C8orf34: variants seen among roughly 807,000 people sequenced by gnomAD.
C8orf34 encodes chromosome 8 open reading frame 34, also known as uncharacterized protein C8orf34.
C8orf34 carries 65 observed loss-of-function variants against 68.3 expected under a neutral mutation model. That is an observed-to-expected ratio of 0.95 (90% confidence interval 0.78 to 1.17). The LOEUF (loss-of-function observed/expected upper bound fraction) is 1.17. Among genes scored for constraint, C8orf34 ranks in the 50% most tolerant of loss-of-function variants. C8orf34 has a pLI of 0.00. For missense variants in C8orf34, 664 were observed against 655.4 expected, an observed-to-expected ratio of 1.01 and a Z score of -0.14; for synonymous variants, 244 against 241.2, an observed-to-expected ratio of 1.01 and a Z score of -0.11.
intron 1 of C8orf34, among the ~76,000 whole-genome samples, chr8:68,333,993 A>G (rs1281326506): frequency 1.3e-5 from 2 of 152,228 alleles, no homozygotes; most frequent in Non-Finnish European, 2.9e-5. Context: ...AAGATAATCT[A>G]TGAATGTTTT....
chr8:68,637,897 A>G (rs2130724645), intron 7 of C8orf34, among the ~76,000 whole-genome samples: 1 of 152,292 alleles, frequency 6.6e-6, no homozygotes, highest in South Asian at 2.1e-4. Context: ...CCAGCAATCA[A>G]TGAGCTTGAA....
intron 8 of C8orf34, among the ~76,000 whole-genome samples, chr8:68,657,972 A>G (rs1227992902): frequency 1.3e-5 from 2 of 152,178 alleles, no homozygotes; most frequent in East Asian, 1.9e-4. Context: ...TTATGGTCTC[A>G]AATATTTACC....
intron 1 of C8orf34, among the ~76,000 whole-genome samples, chr8:68,348,407 G>A (rs965064364): frequency 1.3e-5 from 2 of 151,982 alleles, no homozygotes; most frequent in Non-Finnish European, 2.9e-5. Context: ...GATGTCTCCA[G>A]CTTTGTTCTT....
chr8:68,371,458 ATTATT>A (rs1401418802), intron 1 of C8orf34, among the ~76,000 whole-genome samples: 9 of 152,276 alleles, frequency 5.9e-5, no homozygotes, highest in African/African-American at 2.2e-4. Flanking sequence ...GAAACAAAAG[ATTATT>A]TTATTTATGA....
chr8:68,539,051 G>T (rs949777917), intron 7 of C8orf34, among the ~76,000 whole-genome samples: 2 of 152,010 alleles, frequency 1.3e-5, no homozygotes, highest in Admixed American at 6.6e-5. Flanking sequence ...AAAATTTCTT[G>T]AATTATATTT....
intron 3 of C8orf34, among the ~76,000 whole-genome samples, chr8:68,453,681 G>C (rs981577866): frequency 6.6e-6 from 1 of 151,828 alleles, no homozygotes; most frequent in Admixed American, 6.6e-5. Flanking sequence ...GAATTCTTTA[G>C]GACTCTCAAA....
chr8:68,765,979 G>T (rs748222997), intron 10 of C8orf34, among the ~76,000 whole-genome samples: 6 of 151,880 alleles, frequency 4.0e-5, no homozygotes, highest in East Asian at 1.9e-4. Flanking sequence ...TAATGCAAAG[G>T]TTTCTGAAAT....
chr8:68,611,389 T>C (rs1156815663), intron 7 of C8orf34, among the ~76,000 whole-genome samples: 2 of 152,136 alleles, frequency 1.3e-5, no homozygotes, highest in East Asian at 3.9e-4. Flanking sequence ...ATCAGAGAAA[T>C]CCTTAGGCTT....
At chr8:68,799,429 T>C (rs1824268157) in intron 12 of C8orf34, among the ~76,000 whole-genome samples, 1 of 152,220 alleles carries the variant, frequency 6.6e-6, no homozygotes. Flanking sequence ...GTTTTGTATA[T>C]TTTTTGTCAC....
At chr8:68,642,819 G>A (rs1036507951) in intron 8 of C8orf34, among the ~76,000 whole-genome samples, 4 of 152,144 alleles carry the variant, frequency 2.6e-5, no homozygotes, top group Non-Finnish European at 5.9e-5. Flanking sequence ...ATTTTTCCAT[G>A]GATGGTTGAT....
At chr8:68,739,910 A>G (rs982306749) in intron 10 of C8orf34, among the ~76,000 whole-genome samples, 2 of 152,200 alleles carry the variant, frequency 1.3e-5, no homozygotes, top group African/African-American at 4.8e-5. Context: ...GTACAAAAAC[A>G]GACACATAGA....
At position 68,439,493 on chromosome 8, in the gene C8orf34, C is replaced by T; in HGVS notation, c.328-6C>T. The T allele has an allele frequency of 6.2e-7, 1 of 1,611,976 alleles. No homozygotes were observed. The highest frequency in any genetic ancestry group is 1.7e-5 in the Admixed American group (1 of 59,670). ...ATTATAATTGTGTGCTCTATTCTGCCTTCAGGAATTAATGACCAAGTTAAT... is the reference window on the plus strand; with the variant it reads ...ATTATAATTGTGTGCTCTATTCTGCTTTCAGGAATTAATGACCAAGTTAAT... On this transcript the variant is annotated splice_region_variant and splice_polypyrimidine_tract_variant and intron_variant, in intron 1 of 13. Coordinates refer to ENST00000518698, the MANE Select transcript of C8orf34 (RefSeq NM_052958.4).
intron 9 of C8orf34, among the ~76,000 whole-genome samples, chr8:68,721,073 A>T (rs1461597446): frequency 6.6e-6 from 1 of 152,042 alleles, no homozygotes. Flanking sequence ...TCCAACAATT[A>T]GCTGGATAAT....
chr8:68,590,373 T>A (rs1817350915), intron 7 of C8orf34, among the ~76,000 whole-genome samples: 1 of 152,150 alleles, frequency 6.6e-6, no homozygotes, highest in African/African-American at 2.4e-5. Flanking sequence ...GTCCCTTTTA[T>A]TTTCATTAAC....
At chr8:68,550,783 TC>T in intron 7 of C8orf34, among the ~76,000 whole-genome samples, 1 of 151,798 alleles carries the variant, frequency 6.6e-6, no homozygotes, top group East Asian at 1.9e-4. Flanking sequence ...GTTTTTTTTT[TC>T]CCCCTCAGTG....
At position 68,456,736 on chromosome 8, in the gene C8orf34, T is replaced by C. The variant is rs1288227954; in HGVS notation, c.607+10276T>C. On this transcript the variant is annotated intron_variant, in intron 3 of 13. Coordinates refer to ENST00000518698, the MANE Select transcript of C8orf34 (RefSeq NM_052958.4). The stretch of plus-strand genomic sequence containing the variant: ...ATGAAGGTTTTGCCTTGTAATGTTT[T>C]GGCATTTTCAAATAACCAAAAAATA... 2.0e-5 allele frequency among the ~76,000 whole-genome samples: 3 copies of C among 151,550 alleles called. No individual in the cohort carries two copies. The East Asian group carries it at 5.8e-4, about 29-fold the overall frequency.
intron 7 of C8orf34, among the ~76,000 whole-genome samples, chr8:68,597,353 G>C (rs1817574786): frequency 6.6e-6 from 1 of 152,054 alleles, no homozygotes; most frequent in African/African-American, 2.4e-5. Flanking sequence ...AAATATGTAT[G>C]AAGTAAGGTG....
chr8:68,410,776 T>C (rs576723974), intron 1 of C8orf34, among the ~76,000 whole-genome samples: 2 of 152,316 alleles, frequency 1.3e-5, no homozygotes, highest in South Asian at 2.1e-4. Context: ...GCAGATGGCA[T>C]TGGAGAAAGG....
chr8:68,558,613 GAGAA>G (rs1816327809), intron 7 of C8orf34, among the ~76,000 whole-genome samples: 2 of 152,076 alleles, frequency 1.3e-5, no homozygotes, highest in Non-Finnish European at 1.5e-5. Flanking sequence ...GAAAGAGAGA[GAGAA>G]AGAGAGAGAG....
Sources: gnomAD v4.1 joint callset for allele counts (sites outside exome capture counted in the v4.1 genomes callset) on GRCh38, gnomAD v4.1.1 for gene constraint, MANE v1.5 for transcripts, NCBI Gene and HGNC (gene_info 2026-07-23, HGNC 2026-07-21) for gene names.